Variants in MIB1 observed in about 807,000 individuals in gnomAD.
The protein encoded by MIB1 is MIB E3 ubiquitin protein ligase 1, also known as E3 ubiquitin-protein ligase MIB1.
In MIB1, 278 loss-of-function variants were observed where a neutral mutation model predicts 124.5. That is an observed-to-expected ratio of 2.23 (90% CI 2.02 to 2.47). MIB1 has a LOEUF of 2.47. Among genes scored for constraint, MIB1 ranks in the 30% most tolerant of loss-of-function variants. The probability of loss-of-function intolerance (pLI) is 0.00; values close to 1 mark genes in which losing one functional copy is unlikely to be tolerated. For missense variants in MIB1, 957 were observed against 1,254.4 expected, an observed-to-expected ratio of 0.76 and a Z score of 3.58; for synonymous variants, 446 against 429.4, an observed-to-expected ratio of 1.04 and a Z score of -0.48.
At chr18:21,742,210 AT>A (rs2040861899) in intron 1 of MIB1, among the ~76,000 whole-genome samples, 2 of 151,864 alleles carry the variant, frequency 1.3e-5, no homozygotes, top group South Asian at 4.2e-4. Flanking sequence ...TTGCTTTGCC[AT>A]ATGGTGCTCA....
chr18:21,828,195 A>G (rs1167975617), intron 12 of MIB1: 2 of 151,966 alleles, frequency 1.3e-5, no homozygotes, highest in Admixed American at 1.3e-4. Context: ...TAGTGCTTTC[A>G]TTTTACATGC....
At chr18:21,824,853 A>G (rs1440089185) in intron 12 of MIB1, among the ~76,000 whole-genome samples, 2 of 152,078 alleles carry the variant, frequency 1.3e-5, no homozygotes, top group Admixed American at 1.3e-4. Context: ...GCAATCATTA[A>G]GAAAATTATA....
intron 1 of MIB1, among the ~76,000 whole-genome samples, chr18:21,715,875 C>G (rs1314052034): frequency 6.6e-6 from 1 of 152,034 alleles, no homozygotes; most frequent in Non-Finnish European, 1.5e-5. Context: ...TATTAAATGA[C>G]CAAACTTAAG....
intron 3 of MIB1, 110 bp downstream of exon 3, chr18:21,768,862 C>A: frequency 1.1e-6 from 1 of 944,970 alleles, no homozygotes. Flanking sequence ...ATGCCAGTAA[C>A]AGTTTTTAAA....
rs1277175326 is a variant in MIB1 at position 21,815,721 on chromosome 18, C to T, written c.1585C>T (p.Arg529Cys). The T allele has an allele frequency of 5.0e-6, 8 of 1,613,968 alleles. No homozygotes were observed. Among genetic ancestry groups the T allele is most frequent in the Admixed American group, 1.7e-5 (1 of 59,988 alleles). ...TGCTGATTTGAATGCTCGAAACAAG[C>T]GCCGACAGACACCACTTCATATTGC... ...GSADLNARNK[R>C]RQTPLHIAVN... Residue 529 changes from arginine to cysteine, a missense_variant, in exon 11 of 21, where the codon CGC becomes TGC. Coordinates refer to ENST00000261537, the MANE Select transcript of MIB1 (RefSeq NM_020774.4).
chr18:21,786,251 G>C (rs1456308015), intron 6 of MIB1, among the ~76,000 whole-genome samples: 4 of 151,624 alleles, frequency 2.6e-5, no homozygotes, highest in African/African-American at 9.7e-5. Context: ...CGCCTGCCAC[G>C]ACACCTGGCT....
intron 12 of MIB1, among the ~76,000 whole-genome samples, chr18:21,819,857 A>G (rs2041863764): frequency 6.6e-6 from 1 of 152,224 alleles, no homozygotes; most frequent in African/African-American, 2.4e-5. Flanking sequence ...TTAAGTTTAT[A>G]TTAAATGTGG....
chr18:21,742,332 C>G (rs1447067310), intron 1 of MIB1, among the ~76,000 whole-genome samples: 2 of 150,844 alleles, frequency 1.3e-5, no homozygotes, highest in Admixed American at 6.6e-5. Context: ...AGTTCAGTAG[C>G]CAAATGTTAC....
At chr18:21,768,013 A>G (rs1018200226) in intron 2 of MIB1, among the ~76,000 whole-genome samples, 14 of 152,186 alleles carry the variant, frequency 9.2e-5, no homozygotes, top group African/African-American at 3.1e-4. Context: ...AGCCCTTTAG[A>G]CTGGACCTTT....
intron 7 of MIB1, among the ~76,000 whole-genome samples, chr18:21,796,972 T>A (rs939119657): frequency 6.6e-6 from 1 of 152,164 alleles, no homozygotes; most frequent in Non-Finnish European, 1.5e-5. Flanking sequence ...AAGAAAAACA[T>A]GTACTTGTGG....
intron 13 of MIB1, among the ~76,000 whole-genome samples, chr18:21,840,752 G>A (rs2146502616): frequency 6.6e-6 from 1 of 150,528 alleles, no homozygotes; most frequent in East Asian, 2.0e-4. Flanking sequence ...GATCACTTGA[G>A]CCTGGGAGGT....
chr18:21,837,293 G>A (rs1413592212), intron 12 of MIB1, among the ~76,000 whole-genome samples: 5 of 152,214 alleles, frequency 3.3e-5, no homozygotes, highest in Non-Finnish European at 5.9e-5. Flanking sequence ...TGGATCACAA[G>A]GTCAGGAGAT....
At chr18:21,791,220 A>T in intron 6 of MIB1, 154 bp from the exon 7 acceptor site, 1 of 502,346 alleles carries the variant, frequency 2.0e-6, no homozygotes, top group Non-Finnish European at 3.3e-6. Flanking sequence ...ACAATGTATC[A>T]ATATATATGT....
intron 17 of MIB1, among the ~76,000 whole-genome samples, chr18:21,852,665 G>A (rs2042190204): frequency 6.6e-6 from 1 of 152,198 alleles, no homozygotes; most frequent in African/African-American, 2.4e-5. Flanking sequence ...GGCACTTTAA[G>A]GTAGAGTTTC....
At chr18:21,844,545 T>C (rs2042119444) in intron 15 of MIB1, among the ~76,000 whole-genome samples, 1 of 152,148 alleles carries the variant, frequency 6.6e-6, no homozygotes, top group African/African-American at 2.4e-5. Context: ...TTCTCTTGCC[T>C]CAACCTCCCA....
intron 12 of MIB1, among the ~76,000 whole-genome samples, chr18:21,821,583 G>GTGTTTTTTT (rs200104614): frequency 1.3e-5 from 2 of 150,358 alleles, no homozygotes; most frequent in African/African-American, 2.5e-5. Flanking sequence ...TGTTCTGTGT[G>GTGTTTTTTT]TGTTTTTTTT....
At chr18:21,747,614 G>A (rs1219134211) in intron 1 of MIB1, among the ~76,000 whole-genome samples, 1 of 152,124 alleles carries the variant, frequency 6.6e-6, no homozygotes, top group Non-Finnish European at 1.5e-5. Flanking sequence ...TTATTAGTTG[G>A]GGAGAAGAGA....
chr18:21,802,740 C>A (rs1429841733), intron 9 of MIB1, among the ~76,000 whole-genome samples: 3 of 152,170 alleles, frequency 2.0e-5, no homozygotes, highest in Non-Finnish European at 4.4e-5. Flanking sequence ...GTTGTCCATT[C>A]ATATCTCAAT....
At chr18:21,832,124 G>A (rs1329915694) in intron 12 of MIB1, among the ~76,000 whole-genome samples, 1 of 152,074 alleles carries the variant, frequency 6.6e-6, no homozygotes, top group Non-Finnish European at 1.5e-5. Context: ...TCTTAGAAGT[G>A]CTACTTAAAA....
Sources: gnomAD v4.1 joint callset for allele counts (sites outside exome capture counted in the v4.1 genomes callset) on GRCh38, gnomAD v4.1.1 for gene constraint, MANE v1.5 for transcripts, NCBI Gene and HGNC (gene_info 2026-07-23, HGNC 2026-07-21) for gene names.